The following MTUS1 variants were observed in gnomAD, a reference collection of about 807,000 sequenced individuals.
MTUS1 encodes the protein microtubule-associated tumor suppressor 1.
In MTUS1, 109 loss-of-function variants were observed where a neutral mutation model predicts 120.8. The observed-to-expected ratio is 0.90, with a 90% CI of 0.77 to 1.06. The LOEUF is 1.06. MTUS1 is among the 50% of genes least tolerant of loss of function. The pLI, the probability that MTUS1 is intolerant of heterozygous loss-of-function variation, is 0.00. For synonymous variants in MTUS1, 737 were observed against 550.5 expected, an observed-to-expected ratio of 1.34 and a Z score of -4.74; for missense variants, 2,210 against 1,486.3, an observed-to-expected ratio of 1.49 and a Z score of -8.01.
intron 8 of MTUS1, among the ~76,000 whole-genome samples, chr8:17,672,133 T>C (rs1812153611): frequency 6.6e-6 from 1 of 151,852 alleles, no homozygotes; most frequent in South Asian, 2.1e-4. Flanking sequence ...AGCCTGTCGT[T>C]TGGGATTTCT....
chr8:17,726,703 T>G (rs544460874), intron 3 of MTUS1, among the ~76,000 whole-genome samples: 1 of 152,310 alleles, frequency 6.6e-6, no homozygotes, highest in East Asian at 1.9e-4. Flanking sequence ...CTTTAAAAAT[T>G]TATGGTTAGC....
At chr8:17,769,976 T>TG (rs1459725938) in intron 1 of MTUS1, among the ~76,000 whole-genome samples, 1 of 149,020 alleles carries the variant, frequency 6.7e-6, no homozygotes, top group African/African-American at 2.5e-5. Flanking sequence ...AATGCAAAAG[T>TG]GAGAAATAAG....
intron 8 of MTUS1, among the ~76,000 whole-genome samples, chr8:17,657,908 T>A (rs982424171): frequency 2.6e-5 from 4 of 151,110 alleles, no homozygotes; most frequent in African/African-American, 9.7e-5. Flanking sequence ...TATGCATGCA[T>A]ATATGTATAT....
chr8:17,651,063 G>A (rs919645427), intron 12 of MTUS1, among the ~76,000 whole-genome samples: 1 of 152,162 alleles, frequency 6.6e-6, no homozygotes, highest in South Asian at 2.1e-4. Context: ...CACGGGTTAA[G>A]CGCCCTACTC....
chr8:17,743,943 A>G (rs1481553819), intron 2 of MTUS1, 144 bp from the exon 3 acceptor site: 1 of 632,864 alleles, frequency 1.6e-6, no homozygotes, highest in African/African-American at 1.8e-5. Context: ...GAGGTCAGAC[A>G]TGCCTCATTA....
At chr8:17,747,983 C>T (rs2047898581) in intron 2 of MTUS1, 1 of 152,170 alleles carries the variant, frequency 6.6e-6, no homozygotes, top group African/African-American at 2.4e-5. Flanking sequence ...ATGAGAACAG[C>T]ATGGCAAAGA....
chr8:17,695,806 A>C (rs1387355722), intron 6 of MTUS1, among the ~76,000 whole-genome samples: 2 of 152,202 alleles, frequency 1.3e-5, no homozygotes, highest in Non-Finnish European at 1.5e-5. Flanking sequence ...GTATAACAAA[A>C]AAGAATAAAA....
intron 6 of MTUS1, among the ~76,000 whole-genome samples, chr8:17,712,799 TG>T (rs1280267976): frequency 0.013 from 127 of 9,960 alleles, no homozygotes; most frequent in Non-Finnish European, 0.011. Context: ...ATCTTGGGAA[TG>T]TTAAGTCCAG....
At chr8:17,737,381 T>C (rs1214149118) in intron 3 of MTUS1, among the ~76,000 whole-genome samples, 1 of 152,272 alleles carries the variant, frequency 6.6e-6, no homozygotes, top group Non-Finnish European at 1.5e-5. Flanking sequence ...CAAAACATGT[T>C]AGTGACTAAT....
chr8:17,778,263 G>A (rs941057197), intron 1 of MTUS1, among the ~76,000 whole-genome samples: 3 of 152,120 alleles, frequency 2.0e-5, no homozygotes, highest in Admixed American at 2.0e-4. Flanking sequence ...AGCAAAAGAC[G>A]TCACACACAA....
intron 1 of MTUS1, among the ~76,000 whole-genome samples, chr8:17,776,917 G>A (rs1026952093): frequency 5.9e-5 from 9 of 151,876 alleles, no homozygotes; most frequent in Admixed American, 3.3e-4. Flanking sequence ...TTGTAATTGC[G>A]CTTTCGGAGA....
chr8:17,646,313 C>T (rs998069484), intron 14 of MTUS1, among the ~76,000 whole-genome samples, 174 bp from the exon 15 acceptor site: 5 of 152,214 alleles, frequency 3.3e-5, no homozygotes, highest in African/African-American at 9.6e-5. Context: ...ACAGGCCGGG[C>T]GTGGTGGCTC....
intron 1 of MTUS1, among the ~76,000 whole-genome samples, chr8:17,781,602 T>C (rs2050880369): frequency 6.6e-6 from 1 of 152,158 alleles, no homozygotes; most frequent in African/African-American, 2.4e-5. Context: ...ATATTTACTT[T>C]CATTTCTAAA....
rs535249677 is a variant in MTUS1, at chr8:17,727,459, C to A, written c.2288-3626G>T. Among the ~76,000 whole-genome samples the A allele has an allele frequency of 1.5e-4, 23 of 152,294 alleles. No homozygotes were observed. In the East Asian group the frequency reaches 4.2e-3, roughly 28 times the overall value. On this transcript the variant is annotated intron_variant, in intron 3 of 14. Coordinates refer to ENST00000693296, the MANE Select transcript of MTUS1 (RefSeq NM_001363059.2). ...GACAGAGTTCAGAATGGAGCTCTTA[C>A]TGGACAGGAGCTCCTACAGCGGAAT... is the stretch of plus-strand genomic sequence containing the variant.
At position 17,754,085 on chromosome 8, in the gene MTUS1, G is replaced by T; in HGVS notation, c.1723C>A (p.His575Asn). The T allele has an allele frequency of 1.2e-6, 2 of 1,614,008 alleles. No individual in the cohort carries two copies. Among genetic ancestry groups the T allele is most frequent in the African/African-American group, 2.7e-5 (2 of 74,996 alleles). ...KKAEILINKT[H>N]KQQFNKLITS... ...ATGAGTTTATTAAACTGCTGCTTAT[G>T]TGTCTTGTTAATTAGAATTTCTGCT... Residue 575 changes from histidine (H) to asparagine (N), a missense_variant, in exon 2 of 15, where the codon CAT becomes AAT. Transcript: ENST00000693296.
At chr8:17,770,733 T>A (rs1231219937) in intron 1 of MTUS1, among the ~76,000 whole-genome samples, 1 of 152,218 alleles carries the variant, frequency 6.6e-6, no homozygotes, top group Non-Finnish European at 1.5e-5. Context: ...TCTCTGCCAA[T>A]GAAACATCAC....
chr8:17,787,884 G>GCCGAGGCAGGCGGATCACCCTC (rs2051435771), intron 1 of MTUS1, among the ~76,000 whole-genome samples: 1 of 152,240 alleles, frequency 6.6e-6, no homozygotes, highest in Admixed American at 6.5e-5. Flanking sequence ...ACTTCGGGAG[G>GCCGAGGCAGGCGGATCACCCTC]CCGAGGCAGG....
chr8:17,662,688 T>A (rs1170358474), intron 8 of MTUS1, among the ~76,000 whole-genome samples: 1 of 151,882 alleles, frequency 6.6e-6, no homozygotes, highest in Non-Finnish European at 1.5e-5. Flanking sequence ...GTCTATTTTT[T>A]AAAAAAGCAC....
chr8:17,734,062 T>C (rs1046179592), intron 3 of MTUS1: 1 of 152,206 alleles, frequency 6.6e-6, no homozygotes, highest in Admixed American at 6.5e-5. Context: ...CTACAGTTCT[T>C]TTTATTAAAT....
Sources: gnomAD v4.1 joint callset for allele counts (sites outside exome capture counted in the v4.1 genomes callset) on GRCh38, gnomAD v4.1.1 for gene constraint, MANE v1.5 for transcripts, NCBI Gene and HGNC (gene_info 2026-07-23, HGNC 2026-07-21) for gene names.